Variants in TMEM214 observed in about 807,000 individuals in gnomAD.
The protein encoded by TMEM214 is transmembrane protein 214.
In TMEM214, 71 loss-of-function variants were observed where a neutral mutation model predicts 89.8. The observed-to-expected ratio is 0.79, with a 90% CI of 0.65 to 0.96. The LOEUF (loss-of-function observed/expected upper bound fraction) is 0.96. TMEM214 is among the 40% of genes least tolerant of loss of function. The probability of loss-of-function intolerance (pLI) is 0.00; values close to 1 mark genes in which losing one functional copy is unlikely to be tolerated. For missense variants in TMEM214, 754 were observed against 843.4 expected (o/e 0.89, Z 1.31); for synonymous variants, 332 against 349.5 (o/e 0.95, Z 0.56).
At chr2:27,040,649 A>G in intron 16 of TMEM214, 62 bp from the exon 17 acceptor site, 1 of 1,600,998 alleles carries the variant, frequency 6.2e-7, no homozygotes, top group Non-Finnish European at 8.5e-7. Context: ...CTAAGCTTTC[A>G]TCCCCGAAAG....
Position 27,037,181 on chromosome 2 carries a change from AG to A in TMEM214, c.1010+5del. ...CCGAACAACTCCCTGACACCCAGGTAGGACTGCTCTGGGGCACACCTGCTGA... is the reference window on the plus strand; with the variant it reads ...CCGAACAACTCCCTGACACCCAGGTAGACTGCTCTGGGGCACACCTGCTGA... On this transcript the variant is annotated splice_donor_region_variant and intron_variant, in intron 8 of 16. Transcript: ENST00000238788. The A allele has an allele frequency of 6.2e-7, 1 of 1,608,882 alleles. No individual in the cohort carries two copies. Among genetic ancestry groups the A allele is most frequent in the East Asian group, 2.2e-5 (1 of 44,856 alleles).
Position 27,036,768 on chromosome 2 carries a change from A to C in TMEM214, c.890A>C (p.Tyr297Ser), listed in dbSNP as rs1667585606. 1 of 1,614,002 alleles carries C rather than the reference A, an allele frequency of 6.2e-7. No homozygotes were observed. ...IKSLSPFAIT[Y>S]LDRLLLMHPN... ...TCTCTGTCTCCCTTTGCCATCACAT[A>C]CCTGGATCGGCTGCTCCTGTGAGTA... Residue 297 changes from tyrosine (Y) to serine (S), a missense_variant, in exon 7 of 17, where the codon TAC (tyrosine) becomes TCC (serine). Physicochemically the swap from Tyr to Ser is moderately radical, Grantham distance 144. Coordinates refer to ENST00000238788, the MANE Select transcript of TMEM214 (RefSeq NM_017727.5).
At chr2:27,037,882 A>G in intron 9 of TMEM214, 180 bp downstream of exon 9, 1 of 1,554,326 alleles carries the variant, frequency 6.4e-7, no homozygotes, top group Non-Finnish European at 8.7e-7. Flanking sequence ...CCCAAGAGAC[A>G]GCACATTCAG....
intron 13 of TMEM214, 86 bp from the exon 14 acceptor site, chr2:27,039,655 T>A: frequency 8.5e-7 from 1 of 1,183,240 alleles, no homozygotes; most frequent in East Asian, 2.3e-5. Context: ...AGCGCCTCGC[T>A]GTGCCTGCTC....
chr2:27,035,774 T>A, intron 4 of TMEM214, 46 bp downstream of exon 4: 1 of 1,612,992 alleles, frequency 6.2e-7, no homozygotes, highest in East Asian at 2.2e-5. Context: ...GCCTCCTCCT[T>A]TTTTTCCTGC....
At chr2:27,034,864 G>A (rs1207161243) in intron 2 of TMEM214, among the ~76,000 whole-genome samples, 6 of 152,156 alleles carry the variant, frequency 3.9e-5, no homozygotes, top group South Asian at 2.1e-4. Flanking sequence ...GATTACAGGC[G>A]TGAGCCACCG....
Position 27,033,153 on chromosome 2 carries a change from A to C in TMEM214, c.138A>C (p.Lys46Asn). 8.0e-7 allele frequency: 1 copy of C among 1,248,262 alleles called. No homozygotes were observed. The highest frequency in any genetic ancestry group is 1.0e-6 in the Non-Finnish European group (1 of 987,624). 77.3% of individuals were successfully genotyped at this position (1,248,262 alleles called of 1,614,324 possible). ...RALGEANGVW[K>N]YDLTPAIQTT... ...TCGGGGAAGCAAACGGAGTGTGGAA[A>C]TACGACCTGACCCGTGAGTACCCGC... is the stretch of plus-strand genomic sequence containing the variant. Residue 46 changes from lysine (K) to asparagine (N), a missense_variant, in exon 1 of 17, where the codon AAA becomes AAC. Transcript: ENST00000238788.
chr2:27,038,103 G>C lies in TMEM214; in HGVS notation c.1153-43G>C, dbSNP rs1321437035. On this transcript the variant is annotated intron_variant, in intron 9 of 16. Coordinates refer to ENST00000238788, the MANE Select transcript of TMEM214 (RefSeq NM_017727.5). The surrounding 1 kb of genome is among the most constrained non-coding windows in gnomAD (Gnocchi z 4.4). ...CTCTTAGCACTCCCCGCCTCTGCCA[G>C]CCCCATGCCCCCAGCAGCCTCTCCC... 6.2e-7 allele frequency: 1 copy of C among 1,613,754 alleles called. No homozygotes were observed. The highest frequency in any genetic ancestry group is 1.1e-5 in the South Asian group (1 of 91,074).
chr2:27,033,106 G>C lies in TMEM214; in HGVS notation c.91G>C (p.Gly31Arg), dbSNP rs368291134. The C allele has an allele frequency of 4.0e-6, 5 of 1,248,274 alleles. No homozygotes were observed. Among genetic ancestry groups the C allele is most frequent in the Non-Finnish European group, 5.1e-6 (5 of 988,030 alleles). The allele number at this position is 1,248,274 out of a possible 1,614,324, so 77.3% of individuals were successfully genotyped here. ...CGGCGCCGGCGCCGGCGGCCGAGGA[G>C]GCGGCAGGAACCGCAGGGCGCTCGG... is the stretch of plus-strand genomic sequence containing the variant. ...GVGAGAGGRG[G>R]GRNRRALGEA... Residue 31 changes from glycine to arginine, a missense_variant, in exon 1 of 17, where the codon GGC (glycine) becomes CGC (arginine). Gly to Arg is a moderately radical substitution (Grantham distance 125). Transcript: ENST00000238788.
rs566821725 is a variant in TMEM214 at position 27,041,489 on chromosome 2, C to G, written c.*652C>G. ...TCCCTTGTAGTCCTACTTCTTCCAA[C>G]TTTCCATTCCCCATCATGCTGGGGG... On this transcript the variant is annotated 3_prime_UTR_variant, in exon 17 of 17. Transcript: ENST00000238788. 6.5e-6 allele frequency: 1 copy of G among 154,258 alleles called. No homozygotes were observed. Among genetic ancestry groups the G allele is most frequent in the Non-Finnish European group, 1.5e-5 (1 of 68,388 alleles). 9.6% of individuals were successfully genotyped at this position (154,258 alleles called of 1,614,324 possible).
At chr2:27,034,348 C>A in intron 2 of TMEM214, 82 bp downstream of exon 2, 1 of 1,457,774 alleles carries the variant, frequency 6.9e-7, no homozygotes. Context: ...GGTGGATGGG[C>A]AGCTGAGATC....
chr2:27,040,353 C>A lies in TMEM214; in HGVS notation c.1800C>A (p.Ile600=), dbSNP rs749153988. The A allele has an allele frequency of 6.2e-7, 1 of 1,614,170 alleles. No individual in the cohort carries two copies. Among genetic ancestry groups the A allele is most frequent in the South Asian group, 1.1e-5 (1 of 91,084 alleles). Residue 600 remains isoleucine (I), a synonymous_variant, in exon 16 of 17, where the codon ATC becomes ATA. Transcript: ENST00000238788. ...SLTSLSQRLQ[I]QLPDSVNQLL... is the part of the protein sequence containing the mutation. ...CATTCTCCATGGTCCAGCTACAGAT[C>A]CAGCTCCCCGATTCCGTGAATCAGC... is the stretch of plus-strand genomic sequence containing the variant.
chr2:27,034,296 A>G, intron 2 of TMEM214, 30 bp downstream of exon 2: 2 of 1,608,960 alleles, frequency 1.2e-6, no homozygotes, highest in African/African-American at 2.7e-5. Context: ...AGACGCAGAA[A>G]GAATGGGGGC....
Position 27,039,669 on chromosome 2 carries a change from G to T in TMEM214, c.1526-72G>T, listed in dbSNP as rs1285068736. ...CAGCGCCTCGCTGTGCCTGCTCTGG[G>T]CCCTGTAGTGTCTGTCTCCCCAGTC... is the stretch of plus-strand genomic sequence containing the variant. On this transcript the variant is annotated intron_variant, in intron 13 of 16. Transcript: ENST00000238788. 5.3e-6 allele frequency: 7 copies of T among 1,309,368 alleles called. No homozygotes were observed. The East Asian group carries it at 1.4e-4, about 26-fold the overall frequency. 81.1% of individuals were successfully genotyped at this position (1,309,368 alleles called of 1,614,324 possible).
chr2:27,038,506 A>C lies in TMEM214; in HGVS notation c.1267A>C (p.Ser423Arg), dbSNP rs2148246823. 3 of 1,614,086 alleles carry C rather than the reference A, an allele frequency of 1.9e-6. No individual in the cohort carries two copies. The highest frequency in any genetic ancestry group is 4.5e-5 in the East Asian group (2 of 44,884). ...CAGCCTTCTGCTGGAGCACTTGCTC[A>C]GCTCCTGGGAGCAGATTCCCAAGAA... is the stretch of plus-strand genomic sequence containing the variant. ...QSSLLLEHLL[S>R]SWEQIPKKVQ... Residue 423 changes from serine (S) to arginine (R), a missense_variant, in exon 11 of 17, where the codon AGC becomes CGC. Transcript: ENST00000238788. This position sits in a 1 kb window ranked among gnomAD's most constrained non-coding sequence, Gnocchi z 4.4.
chr2:27,039,707 A>G, intron 13 of TMEM214, 34 bp from the exon 14 acceptor site: 2 of 1,583,722 alleles, frequency 1.3e-6, no homozygotes, highest in Non-Finnish European at 8.7e-7. Flanking sequence ...TGCCCCTCTC[A>G]CCTCCCAGCT....
intron 13 of TMEM214, 72 bp from the exon 14 acceptor site, chr2:27,039,669 G>A (rs1285068736): frequency 7.6e-7 from 1 of 1,309,368 alleles, no homozygotes; most frequent in Non-Finnish European, 1.1e-6. Context: ...CCTGCTCTGG[G>A]CCCTGTAGTG....
rs1485299817 is a variant in TMEM214, at chr2:27,038,414, C to G, written c.1245-70C>G. On this transcript the variant is annotated intron_variant, in intron 10 of 16. Coordinates refer to ENST00000238788, the MANE Select transcript of TMEM214 (RefSeq NM_017727.5). The surrounding 1 kb of genome is among the most constrained non-coding windows in gnomAD (Gnocchi z 4.4). ...GTCTTTCAGCCTGAAGGAGCCAGGG[C>G]TAATGGAGGACAGGAGGATGGGTGA... 1 of 1,598,058 alleles carries G rather than the reference C, an allele frequency of 6.3e-7. No homozygotes were observed. Among genetic ancestry groups the G allele is most frequent in the African/African-American group, 1.3e-5 (1 of 74,570 alleles).
In TMEM214 at chr2:27,038,640, G is replaced by C; in HGVS notation, c.1294-62G>C. 6.2e-7 allele frequency: 1 copy of C among 1,604,006 alleles called. No homozygotes were observed. Among genetic ancestry groups the C allele is most frequent in the East Asian group, 2.2e-5 (1 of 44,730 alleles). ...CCCTGAGAAGGGACCCTGTTGGCAT[G>C]GAAAATGAAGCAGGATGGAAGCTCT... On this transcript the variant is annotated intron_variant, in intron 11 of 16. Transcript: ENST00000238788. The surrounding 1 kb of genome is among the most constrained non-coding windows in gnomAD (Gnocchi z 4.4).
Sources: gnomAD v4.1 joint callset for allele counts (sites outside exome capture counted in the v4.1 genomes callset) on GRCh38, gnomAD v4.1.1 for gene constraint, Gnocchi (gnomAD v3.1) non-coding constraint, MANE v1.5 for transcripts, NCBI Gene and HGNC (gene_info 2026-07-23, HGNC 2026-07-21) for gene names.